LGR4: variants seen among roughly 807,000 people sequenced by gnomAD.
LGR4 encodes the protein leucine-rich repeat-containing G protein-coupled receptor 4.
A neutral mutation model predicts 84.8 loss-of-function variants in LGR4; 44 were observed. The observed-to-expected ratio is 0.52, with a 90% confidence interval of 0.41 to 0.67. The LOEUF is 0.67. Among genes scored for constraint, LGR4 ranks in the 30% least tolerant of loss-of-function variants. The pLI, the probability that LGR4 is intolerant of heterozygous loss-of-function variation, is 0.00. For synonymous variants in LGR4, 429 were observed against 434.3 expected (o/e 0.99, Z 0.15); for missense variants, 1,032 against 1,131.4 (o/e 0.91, Z 1.26).
chr11:27,405,325 T>A (rs904196056), intron 2 of LGR4, among the ~76,000 whole-genome samples: 3 of 152,176 alleles, frequency 2.0e-5, no homozygotes, highest in Admixed American at 2.0e-4. Flanking sequence ...GCACTTGGTC[T>A]TCTTCCCACA....
At position 27,412,833 on chromosome 11, in the gene LGR4, C is replaced by A; in HGVS notation, c.213G>T (p.Gln71His). ...ALDISMNNIT[Q>H]LPEDAFKNFP... ...AGTTCTTAAATGCATCTTCTGGCAA[C>A]TGAGTAATGTTGTTCATACTGATAT... Residue 71 changes from glutamine to histidine, a missense_variant, in exon 2 of 18, where the codon CAG becomes CAT. Coordinates refer to ENST00000379214, the MANE Select transcript of LGR4 (RefSeq NM_018490.5). 1 of 1,603,788 alleles carries A rather than the reference C, an allele frequency of 6.2e-7. No homozygotes were observed. The highest frequency in any genetic ancestry group is 1.1e-5 in the South Asian group (1 of 90,862).
intron 16 of LGR4, among the ~76,000 whole-genome samples, 199 bp from the exon 17 acceptor site, chr11:27,371,897 T>G (rs891786748): frequency 6.6e-6 from 1 of 152,196 alleles, no homozygotes; most frequent in Non-Finnish European, 1.5e-5. Context: ...TCTTGCTCTG[T>G]TGCCCAGTCT....
At position 27,372,134 on chromosome 11, in the gene LGR4, AGAT is replaced by A. The variant is rs1862896002; in HGVS notation, c.1495+146_1495+148del. 6.3e-6 allele frequency: 4 copies of A among 631,034 alleles called. No homozygotes were observed. In the South Asian group the frequency reaches 7.8e-5, roughly 12 times the overall value. The allele number at this position is 631,034 out of a possible 1,614,324, so 39.1% of individuals were successfully genotyped here. A position where few individuals can be genotyped will look rare whatever the true frequency, so the allele number is the denominator to read the frequency against. On this transcript the variant is annotated intron_variant, in intron 16 of 17. Transcript: ENST00000379214. ...CCCGCCTTGGCCTCCCTAAGTGCTG[AGAT>A]TACAGGCATGAGCCATCACACCTGG...
At chr11:27,408,585 C>G (rs1299732866) in intron 2 of LGR4, among the ~76,000 whole-genome samples, 1 of 152,098 alleles carries the variant, frequency 6.6e-6, no homozygotes, top group East Asian at 1.9e-4. Flanking sequence ...CAAATGACTA[C>G]CAATACCCAA....
At position 27,374,027 on chromosome 11, in the gene LGR4, T is replaced by C; in HGVS notation, c.1201A>G (p.Ile401Val). The stretch of plus-strand genomic sequence containing the variant: ...AAAGCTCTACTGTGAATTTCATGTA[T>C]CAGGTTTCTACTCAGATCTCTGCAA... ...LRILDLSRNL[I>V]HEIHSRAFAT... The change falls in exon 14 of 18, where the codon ATA (isoleucine) becomes GTA (valine). Residue 401 changes from isoleucine to valine, a missense_variant. Coordinates refer to ENST00000379214, the MANE Select transcript of LGR4 (RefSeq NM_018490.5). 6.2e-7 allele frequency: 1 copy of C among 1,611,320 alleles called. No individual in the cohort carries two copies. Among genetic ancestry groups the C allele is most frequent in the Non-Finnish European group, 8.5e-7 (1 of 1,177,600 alleles).
rs567572347 is a variant in LGR4, at chr11:27,424,682, C to T, written c.186-11822G>A. ...CCCATGACAGTAGAAGCCCCATCGCCGTGGATGCTCAGCTAAACTAGCAAC... is the reference window on the plus strand; with the variant it reads ...CCCATGACAGTAGAAGCCCCATCGCTGTGGATGCTCAGCTAAACTAGCAAC... On this transcript the variant is annotated intron_variant, in intron 1 of 17. Coordinates refer to ENST00000379214, the MANE Select transcript of LGR4 (RefSeq NM_018490.5). 1.6e-4 allele frequency among the ~76,000 whole-genome samples: 25 copies of T among 152,256 alleles called. 1 individual carries two copies. The highest frequency in any genetic ancestry group is 5.8e-4 in the African/African-American group (24 of 41,530).
chr11:27,389,480 C>A (rs184912251), intron 4 of LGR4, among the ~76,000 whole-genome samples: 2 of 152,018 alleles, frequency 1.3e-5, no homozygotes, highest in Non-Finnish European at 2.9e-5. Context: ...ATCTACATTA[C>A]CAATAAATGT....
At chr11:27,427,903 G>A (rs548605309) in intron 1 of LGR4, among the ~76,000 whole-genome samples, 5 of 151,822 alleles carry the variant, frequency 3.3e-5, no homozygotes, top group Admixed American at 6.6e-5. Flanking sequence ...TATGGACAAC[G>A]TGGAATCACA....
chr11:27,410,345 C>G (rs531203009), intron 2 of LGR4, among the ~76,000 whole-genome samples: 5 of 152,072 alleles, frequency 3.3e-5, no homozygotes, highest in African/African-American at 1.2e-4. Context: ...CCCAATACCC[C>G]AAGCATTCTA....
chr11:27,385,290 C>A lies in LGR4; in HGVS notation c.580G>T (p.Asp194Tyr). ...LALNKISSIP[D>Y]FAFTNLSSLV... ...CTTGAAAGGTTGGTAAATGCAAAGTCAGGGATGCTTGAGATCTTGTTGAGA... is the reference window on the plus strand; with the variant it reads ...CTTGAAAGGTTGGTAAATGCAAAGTAAGGGATGCTTGAGATCTTGTTGAGA... The change falls in exon 5 of 18, where the codon GAC (aspartate) becomes TAC (tyrosine). Residue 194 changes from aspartate to tyrosine, a missense_variant. Asp to Tyr is a radical substitution (Grantham distance 160). Transcript: ENST00000379214. The A allele has an allele frequency of 6.3e-7, 1 of 1,598,040 alleles. No individual in the cohort carries two copies. Among genetic ancestry groups the A allele is most frequent in the Non-Finnish European group, 8.5e-7 (1 of 1,171,160 alleles).
Position 27,367,922 on chromosome 11 carries a change from C to T in LGR4, c.2801G>A (p.Ser934Asn), listed in dbSNP as rs1284861073. 1.2e-6 allele frequency: 2 copies of T among 1,611,964 alleles called. No individual in the cohort carries two copies. The highest frequency in any genetic ancestry group is 1.7e-6 in the Non-Finnish European group (2 of 1,179,470). Residue 934 changes from serine (S) to asparagine (N), a missense_variant, in exon 18 of 18, where the codon AGT (serine) becomes AAT (asparagine). By Grantham distance (46) the Ser-to-Asn change is conservative. Coordinates refer to ENST00000379214, the MANE Select transcript of LGR4 (RefSeq NM_018490.5). ...ATAGCGCACCAAAGGGAATCCTCTA[C>T]TCTGGTAGAAGCAGGCTCGTCCACA... is the stretch of plus-strand genomic sequence containing the variant. The part of the protein sequence containing the change: ...QACGRACFYQ[S>N]RGFPLVRYAY...
chr11:27,457,197 G>C (rs1382485732), intron 1 of LGR4, among the ~76,000 whole-genome samples: 2 of 152,154 alleles, frequency 1.3e-5, no homozygotes, highest in East Asian at 3.8e-4. Context: ...GGTTACTGTG[G>C]AAATTCTAGT....
At chr11:27,460,039 G>T (rs184023222) in intron 1 of LGR4, among the ~76,000 whole-genome samples, 1 of 152,100 alleles carries the variant, frequency 6.6e-6, no homozygotes, top group African/African-American at 2.4e-5. Flanking sequence ...ACAGTGAGCC[G>T]AGATGGCACC....
At chr11:27,388,965 A>G (rs1863233830) in intron 4 of LGR4, among the ~76,000 whole-genome samples, 1 of 152,110 alleles carries the variant, frequency 6.6e-6, no homozygotes, top group African/African-American at 2.4e-5. Flanking sequence ...CTACCTTTTT[A>G]TTAGTATCAA....
In LGR4 at chr11:27,472,772, T is replaced by G; in HGVS notation, c.-470A>C. 1 of 330,800 alleles carries G rather than the reference T, an allele frequency of 3.0e-6. No individual in the cohort carries two copies. Among genetic ancestry groups the G allele is most frequent in the Non-Finnish European group, 5.5e-6 (1 of 183,136 alleles). 20.5% of individuals were successfully genotyped at this position (330,800 alleles called of 1,614,324 possible). On this transcript the variant is annotated 5_prime_UTR_variant, in exon 1 of 18. Coordinates refer to ENST00000379214, the MANE Select transcript of LGR4 (RefSeq NM_018490.5). ...CTCAATCTCTTCCCGTCCTTTTCCC[T>G]TCTAGGGTTGCACGCTCTGGTTCCC... is the stretch of plus-strand genomic sequence containing the variant.
At chr11:27,410,269 T>G (rs1244831833) in intron 2 of LGR4, among the ~76,000 whole-genome samples, 1 of 152,154 alleles carries the variant, frequency 6.6e-6, no homozygotes, top group Non-Finnish European at 1.5e-5. Context: ...CAGAGTTTAT[T>G]GAAAGAATAA....
intron 1 of LGR4, among the ~76,000 whole-genome samples, chr11:27,439,710 A>G (rs993569535): frequency 6.6e-6 from 1 of 152,084 alleles, no homozygotes; most frequent in Non-Finnish European, 1.5e-5. Context: ...TTACTCGGCA[A>G]TGCTCTCAAT....
At chr11:27,376,945 C>A (rs532347461) in intron 12 of LGR4, among the ~76,000 whole-genome samples, 5 of 152,110 alleles carry the variant, frequency 3.3e-5, no homozygotes, top group African/African-American at 9.7e-5. Context: ...AACTCCCCCC[C>A]GCATAGCGTT....
intron 1 of LGR4, among the ~76,000 whole-genome samples, chr11:27,462,588 T>G (rs1390334753): frequency 6.6e-6 from 1 of 152,144 alleles, no homozygotes; most frequent in Admixed American, 6.5e-5. Flanking sequence ...GAACCTGATA[T>G]ACATTCAAAG....
Sources: allele counts gnomAD v4.1 joint callset (sites outside exome capture counted in the v4.1 genomes callset), GRCh38; gene constraint gnomAD v4.1.1; transcripts MANE v1.5; gene names NCBI Gene and HGNC (gene_info 2026-07-23, HGNC 2026-07-21).